CRNKL1: variants seen among roughly 807,000 people sequenced by gnomAD.
CRNKL1 encodes the protein crooked neck-like protein 1.
In CRNKL1, 35 loss-of-function variants were observed where a neutral mutation model predicts 103.7. The ratio of observed to expected loss-of-function variants is 0.34; its 90% confidence interval spans 0.26 to 0.45. The LOEUF (loss-of-function observed/expected upper bound fraction) is 0.45, where lower values mean the gene tolerates loss of function less well. Ranked by LOEUF, CRNKL1 falls within the 20% of genes least tolerant of loss-of-function variation. The pLI, the probability that CRNKL1 is intolerant of heterozygous loss-of-function variation, is 1.00. For synonymous variants in CRNKL1, 267 were observed against 282.6 expected (o/e 0.94, Z 0.55); for missense variants, 645 against 836.0 (o/e 0.77, Z 2.82).
In CRNKL1 at chr20:20,052,399, T is replaced by C. The variant is rs753117976; in HGVS notation, c.-57A>G. 1.2e-6 allele frequency: 2 copies of C among 1,614,208 alleles called. No homozygotes were observed. Among genetic ancestry groups the C allele is most frequent in the Non-Finnish European group, 1.7e-6 (2 of 1,180,042 alleles). On this transcript the variant is annotated 5_prime_UTR_variant, in exon 1 of 14. Coordinates refer to ENST00000536226, the MANE Select transcript of CRNKL1 (RefSeq NM_001278628.2). ...CCCGGCACGGACGCTAGAAATCGGC[T>C]CTGAGAGCTCACCGAAACCACAAAG... is the stretch of plus-strand genomic sequence containing the variant.
At chr20:20,037,249 A>G in intron 13 of CRNKL1, 74 bp downstream of exon 13, 4 of 1,530,544 alleles carry the variant, frequency 2.6e-6, no homozygotes, top group South Asian at 2.5e-5. Flanking sequence ...GCCACTTAAA[A>G]GTCCACATTT....
In CRNKL1 at chr20:20,036,132, G is replaced by A. The variant is rs1601139171; in HGVS notation, c.*63C>T. 1 of 1,514,718 alleles carries A rather than the reference G, an allele frequency of 6.6e-7. No individual in the cohort carries two copies. Among genetic ancestry groups the A allele is most frequent in the African/African-American group, 1.4e-5 (1 of 72,016 alleles). 93.8% of individuals were successfully genotyped at this position (1,514,718 alleles called of 1,614,324 possible). On this transcript the variant is annotated 3_prime_UTR_variant, in exon 14 of 14. Coordinates refer to ENST00000536226, the MANE Select transcript of CRNKL1 (RefSeq NM_001278628.2). ...GTGAAATATATAAGAACTTCCAGGA[G>A]TCACAAGAGTTCCAAACAATTAATT...
At chr20:20,051,831 C>T (rs1332721275) in intron 1 of CRNKL1, among the ~76,000 whole-genome samples, 1 of 152,202 alleles carries the variant, frequency 6.6e-6, no homozygotes, top group Non-Finnish European at 1.5e-5. Flanking sequence ...TCCTATTCAG[C>T]CTTCAAGTCT....
chr20:20,047,223 T>C lies in CRNKL1; in HGVS notation c.622+542A>G, dbSNP rs77310503. Among the ~76,000 whole-genome samples, 1,404 of 152,320 alleles carry C rather than the reference T, an allele frequency of 9.2e-3. 30 individuals are homozygous for C. Among genetic ancestry groups the C allele is most frequent in the African/African-American group, 0.032 (1,347 of 41,550 alleles). The stretch of plus-strand genomic sequence containing the variant: ...CCTCCAGCCATGGGTTCCATATCTG[T>C]GGATTCAACCAACCTGAGATAAAGT... On this transcript the variant is annotated intron_variant, in intron 5 of 13. Coordinates refer to ENST00000536226, the MANE Select transcript of CRNKL1 (RefSeq NM_001278628.2).
rs1230835287 is a variant in CRNKL1, at chr20:20,037,586, A to G, written c.1648-15T>C. 9 of 1,607,936 alleles carry G rather than the reference A, an allele frequency of 5.6e-6. No individual in the cohort carries two copies. Among genetic ancestry groups the G allele is most frequent in the East Asian group, 2.2e-5 (1 of 44,840 alleles). ...CTGATCCATACCTTTAAAAAAAGTT[A>G]TTATTGAACCAAATTAACCATATCA... On this transcript the variant is annotated splice_polypyrimidine_tract_variant and intron_variant, in intron 12 of 13. Transcript: ENST00000536226.
At chr20:20,047,993 G>T in intron 4 of CRNKL1, 62 bp from the exon 5 acceptor site, 1 of 1,505,630 alleles carries the variant, frequency 6.6e-7, no homozygotes, top group Non-Finnish European at 9.1e-7. Context: ...TGAATGGGAA[G>T]AAGATTGAAG....
At chr20:20,050,335 C>T in intron 2 of CRNKL1, 135 bp downstream of exon 2, 1 of 633,236 alleles carries the variant, frequency 1.6e-6, no homozygotes, top group South Asian at 2.9e-5. Flanking sequence ...ATCTGGTAAC[C>T]AGAAGTACAT....
At chr20:20,048,200 TA>T in intron 4 of CRNKL1, 142 bp downstream of exon 4, 1 of 1,001,636 alleles carries the variant, frequency 1.0e-6, no homozygotes, top group Non-Finnish European at 1.5e-6. Flanking sequence ...TATGACTTAA[TA>T]GACTATGGGA....
intron 12 of CRNKL1, among the ~76,000 whole-genome samples, chr20:20,037,910 A>ACCCT (rs1166820596): frequency 6.6e-6 from 1 of 151,966 alleles, no homozygotes; most frequent in Non-Finnish European, 1.5e-5. Flanking sequence ...AACAGGTGAA[A>ACCCT]CCCTGTCTCT....
In CRNKL1 at chr20:20,050,572, T is replaced by TA; in HGVS notation, c.101dup (p.Leu34PhefsTer5). On this transcript the variant is annotated frameshift_variant, in exon 2 of 14. Transcript: ENST00000536226. LOFTEE classifies it high-confidence loss of function. The stretch of plus-strand genomic sequence containing the variant: ...CAAGTTCTCTTTCTTTAGCCTCTCT[T>TA]AAGAGTTGTTCAGCAGTTATCTGTA... 6.2e-7 allele frequency: 1 copy of TA among 1,613,966 alleles called. No individual in the cohort carries two copies. Among genetic ancestry groups the TA allele is most frequent in the Non-Finnish European group, 8.5e-7 (1 of 1,179,846 alleles).
chr20:20,049,285 G>A, intron 3 of CRNKL1, 55 bp downstream of exon 3: 1 of 976,738 alleles, frequency 1.0e-6, no homozygotes, highest in Non-Finnish European at 1.6e-6. Flanking sequence ...TTTCTTTTTG[G>A]TATCTGTTAA....
At position 20,048,434 on chromosome 20, in the gene CRNKL1, C is replaced by T. The variant is rs767978683; in HGVS notation, c.364G>A (p.Ala122Thr). The T allele has an allele frequency of 9.3e-6, 15 of 1,614,034 alleles. No individual in the cohort carries two copies. Among genetic ancestry groups the T allele is most frequent in the Admixed American group, 3.3e-5 (2 of 60,014 alleles). The change falls in exon 4 of 14, where the codon GCA (alanine) becomes ACA (threonine). Residue 122 changes from alanine to threonine, a missense_variant. Physicochemically the swap from Ala to Thr is moderately conservative, Grantham distance 58. Coordinates refer to ENST00000536226, the MANE Select transcript of CRNKL1 (RefSeq NM_001278628.2). Reference protein sequence around the residue: ...YRNITLWLKYAEMEMKNRQVN... With the variant: ...YRNITLWLKYTEMEMKNRQVN... ...TGGCGATTCTTCATTTCCATTTCTG[C>T]GTATTTCAGCCAGAGTGTAATATTT... is the stretch of plus-strand genomic sequence containing the variant.
intron 4 of CRNKL1, 115 bp downstream of exon 4, chr20:20,048,228 T>A: frequency 8.3e-7 from 1 of 1,208,754 alleles, no homozygotes; most frequent in Non-Finnish European, 1.2e-6. Context: ...AGCATTTATG[T>A]CTGAAGAAAA....
chr20:20,051,333 T>C (rs1353497452), intron 1 of CRNKL1, among the ~76,000 whole-genome samples: 1 of 152,264 alleles, frequency 6.6e-6, no homozygotes. Context: ...AAATAAAATA[T>C]ATATTATCAA....
chr20:20,041,636 A>G lies in CRNKL1; in HGVS notation c.1165-11T>C, dbSNP rs763197089. On this transcript the variant is annotated splice_polypyrimidine_tract_variant and intron_variant, in intron 8 of 13. Coordinates refer to ENST00000536226, the MANE Select transcript of CRNKL1 (RefSeq NM_001278628.2). ...TGTCCTCTCAGGATCCTGTATTAGG[A>G]TAAGAAATTTTCACAAAATATTGAA... 4.4e-6 allele frequency: 7 copies of G among 1,607,336 alleles called. No individual in the cohort carries two copies. The highest frequency in any genetic ancestry group is 6.0e-6 in the Non-Finnish European group (7 of 1,174,434).
At chr20:20,041,768 T>C in intron 8 of CRNKL1, 143 bp from the exon 9 acceptor site, 1 of 626,620 alleles carries the variant, frequency 1.6e-6, no homozygotes, top group East Asian at 2.8e-5. Flanking sequence ...CAAACCCTGA[T>C]TTATGATCTA....
intron 3 of CRNKL1, 145 bp from the exon 4 acceptor site, chr20:20,048,646 T>C (rs1025589598): frequency 1.4e-5 from 10 of 702,740 alleles, no homozygotes; most frequent in Non-Finnish European, 4.7e-6. Flanking sequence ...AAAGATATAA[T>C]GCTCTCAAGT....
At chr20:20,052,490 CGCTTGA>C (rs2043796871), upstream of CRNKL1, 2 of 1,614,144 alleles carry the variant, frequency 1.2e-6, no homozygotes, top group Non-Finnish European at 1.7e-6. Flanking sequence ...TTTGACCTCT[CGCTTGA>C]GCCGTGACGG....
intron 7 of CRNKL1, 64 bp from the exon 8 acceptor site, chr20:20,042,580 C>T: frequency 1.3e-6 from 2 of 1,489,112 alleles, no homozygotes; most frequent in African/African-American, 2.8e-5. Context: ...CCAGGTTAAG[C>T]AAGCTGAAAA....
Sources: gnomAD v4.1 joint callset for allele counts (sites outside exome capture counted in the v4.1 genomes callset) on GRCh38, gnomAD v4.1.1 for gene constraint, MANE v1.5 for transcripts, NCBI Gene and HGNC (gene_info 2026-07-23, HGNC 2026-07-21) for gene names.